The following ASCC3 variants were observed in gnomAD, a reference collection of about 807,000 sequenced individuals.
ASCC3 encodes the protein activating signal cointegrator 1 complex subunit 3, also known as ASC-1 complex subunit P200.
Under a neutral mutation model 256.3 loss-of-function variants are expected in ASCC3, and 158 were observed. The observed-to-expected ratio is 0.62, with a 90% CI of 0.54 to 0.70. ASCC3 has a LOEUF of 0.70. Among genes scored for constraint, ASCC3 ranks in the 30% least tolerant of loss-of-function variants. The probability of loss-of-function intolerance (pLI) is 0.00; values close to 1 mark genes in which losing one functional copy is unlikely to be tolerated. For missense variants in ASCC3, 2,259 were observed against 2,626.0 expected (o/e 0.86, Z 3.05); for synonymous variants, 948 against 883.4 (o/e 1.07, Z -1.30).
chr6:100,689,696 C>T (rs1777747999), intron 13 of ASCC3, among the ~76,000 whole-genome samples: 1 of 152,146 alleles, frequency 6.6e-6, no homozygotes, highest in Non-Finnish European at 1.5e-5. Context: ...TAATACTTTC[C>T]ATTCACACCT....
intron 4 of ASCC3, among the ~76,000 whole-genome samples, chr6:100,825,189 G>T (rs1771237046): frequency 6.6e-6 from 1 of 152,072 alleles, no homozygotes; most frequent in African/African-American, 2.4e-5. Flanking sequence ...GTGGCCTGTG[G>T]GCCGCATGTG....
At chr6:100,599,458 C>G (rs1467009570) in intron 34 of ASCC3, among the ~76,000 whole-genome samples, 1 of 152,020 alleles carries the variant, frequency 6.6e-6, no homozygotes, top group East Asian at 1.9e-4. Context: ...ACTCAGGGTA[C>G]TTAACTGGAT....
At chr6:100,777,353 T>C (rs921339258) in intron 8 of ASCC3, among the ~76,000 whole-genome samples, 3 of 152,136 alleles carry the variant, frequency 2.0e-5, no homozygotes, top group Non-Finnish European at 4.4e-5. Flanking sequence ...GGTGGAATCA[T>C]TCATTTATTT....
At chr6:100,582,140 G>T (rs1410475484) in intron 36 of ASCC3, among the ~76,000 whole-genome samples, 1 of 151,884 alleles carries the variant, frequency 6.6e-6, no homozygotes, top group African/African-American at 2.4e-5. Flanking sequence ...TTGGTAGCTT[G>T]ATGGGGATGG....
At chr6:100,627,448 TAACAGTTGAGACA>T in intron 29 of ASCC3, 129 bp downstream of exon 29, 1 of 1,102,292 alleles carries the variant, frequency 9.1e-7, no homozygotes, top group Non-Finnish European at 1.3e-6. Context: ...TTGTATTCCT[TAACAGTTGAGACA>T]AACAGTTTTA....
chr6:100,782,496 C>T (rs1248718597), intron 8 of ASCC3, among the ~76,000 whole-genome samples: 2 of 152,126 alleles, frequency 1.3e-5, no homozygotes, highest in African/African-American at 4.8e-5. Context: ...AAAAATATTT[C>T]GCTCACAAAT....
At chr6:100,748,693 A>C (rs1312024366) in intron 10 of ASCC3, among the ~76,000 whole-genome samples, 1 of 152,082 alleles carries the variant, frequency 6.6e-6, no homozygotes, top group African/African-American at 2.4e-5. Flanking sequence ...TACAATATAT[A>C]AATTAAATAA....
At chr6:100,805,664 G>T in intron 5 of ASCC3, 96 bp downstream of exon 5, 1 of 1,421,824 alleles carries the variant, frequency 7.0e-7, no homozygotes, top group South Asian at 1.2e-5. Flanking sequence ...TTATATAACA[G>T]ACCAAAACAT....
intron 14 of ASCC3, among the ~76,000 whole-genome samples, chr6:100,678,816 A>G (rs1266499761): frequency 6.6e-6 from 1 of 152,176 alleles, no homozygotes; most frequent in Non-Finnish European, 1.5e-5. Context: ...CAGTAGTGCA[A>G]AAAAAGTCAC....
chr6:100,668,618 A>G (rs1318349435), intron 14 of ASCC3, among the ~76,000 whole-genome samples: 1 of 152,004 alleles, frequency 6.6e-6, no homozygotes, highest in Non-Finnish European at 1.5e-5. Context: ...ACAAAGCAGA[A>G]AAGTGAATAC....
chr6:100,623,079 T>C (rs1054205890), intron 30 of ASCC3, among the ~76,000 whole-genome samples: 5 of 152,104 alleles, frequency 3.3e-5, no homozygotes, highest in Non-Finnish European at 7.4e-5. Flanking sequence ...CCTAGAGAGA[T>C]ACCACACATA....
At chr6:100,572,857 A>T (rs1231954843) in intron 36 of ASCC3, among the ~76,000 whole-genome samples, 3 of 152,100 alleles carry the variant, frequency 2.0e-5, no homozygotes, top group Admixed American at 6.6e-5. Flanking sequence ...GTCATACATA[A>T]TTTTAAAAGT....
At chr6:100,805,708 T>C (rs534987028) in intron 5 of ASCC3, 52 bp downstream of exon 5, 2 of 1,588,258 alleles carry the variant, frequency 1.3e-6, no homozygotes, top group African/African-American at 1.3e-5. Context: ...AAACATTTGC[T>C]AACCAATGAA....
chr6:100,620,350 T>C (rs1394776375), intron 30 of ASCC3, among the ~76,000 whole-genome samples: 1 of 152,172 alleles, frequency 6.6e-6, no homozygotes, highest in African/African-American at 2.4e-5. Context: ...GAAAGGTATT[T>C]CCTTTGGGGT....
intron 13 of ASCC3, among the ~76,000 whole-genome samples, chr6:100,713,502 AT>A (rs1256158310): frequency 6.6e-6 from 1 of 152,168 alleles, no homozygotes; most frequent in Non-Finnish European, 1.5e-5. Context: ...GTAATTATAC[AT>A]TTCTCAAAAT....
intron 1 of ASCC3, among the ~76,000 whole-genome samples, chr6:100,871,705 G>C: frequency 6.6e-6 from 1 of 152,176 alleles, no homozygotes; most frequent in Admixed American, 6.5e-5. Context: ...GGTCAAGGCT[G>C]CAGTAAGCCA....
At chr6:100,879,023 A>C (rs141917256) in intron 1 of ASCC3, among the ~76,000 whole-genome samples, 1,930 of 152,288 alleles carry the variant, frequency 0.013, 20 homozygotes, top group East Asian at 0.045. Context: ...GACCAGCTAT[A>C]AATTGGGGAT....
At chr6:100,694,845 G>A (rs1169099336) in intron 13 of ASCC3, among the ~76,000 whole-genome samples, 2 of 152,130 alleles carry the variant, frequency 1.3e-5, no homozygotes, top group African/African-American at 4.8e-5. Context: ...GGAAATGATG[G>A]AGTTAGAAAA....
intron 4 of ASCC3, among the ~76,000 whole-genome samples, chr6:100,843,268 A>G (rs1211234831): frequency 6.6e-6 from 1 of 152,188 alleles, no homozygotes; most frequent in East Asian, 1.9e-4. Context: ...TTCCCTCAGA[A>G]GACAATCTAA....
Sources: gnomAD v4.1 joint callset for allele counts (sites outside exome capture counted in the v4.1 genomes callset) on GRCh38, gnomAD v4.1.1 for gene constraint, MANE v1.5 for transcripts, NCBI Gene and HGNC (gene_info 2026-07-23, HGNC 2026-07-21) for gene names.